ASIC2: variants seen among roughly 807,000 people sequenced by gnomAD.
ASIC2 encodes the protein acid-sensing ion channel 2.
Under a neutral mutation model 57.3 loss-of-function variants are expected in ASIC2, and 25 were observed. The observed-to-expected ratio is 0.44, with a 90% CI of 0.32 to 0.61. The LOEUF (loss-of-function observed/expected upper bound fraction) is 0.61, where lower values mean the gene tolerates loss of function less well. Ranked by LOEUF, ASIC2 falls within the 20% of genes least tolerant of loss-of-function variation. The pLI is 0.06. For missense variants in ASIC2, 641 were observed against 738.1 expected, an observed-to-expected ratio of 0.87 and a Z score of 1.52; for synonymous variants, 319 against 307.5, an observed-to-expected ratio of 1.04 and a Z score of -0.39.
At chr17:33,335,768 A>G (rs1207319826) in intron 1 of ASIC2, among the ~76,000 whole-genome samples, 1 of 152,196 alleles carries the variant, frequency 6.6e-6, no homozygotes, top group Non-Finnish European at 1.5e-5. Flanking sequence ...GGTCAGAATC[A>G]TTGCTCATAC....
intron 1 of ASIC2, among the ~76,000 whole-genome samples, chr17:34,021,804 CT>C (rs373098984): frequency 2.1e-5 from 3 of 140,232 alleles, no homozygotes; most frequent in South Asian, 2.4e-4. Flanking sequence ...GAGCCAGGGG[CT>C]TTTTTTTGTT....
At chr17:33,368,724 G>A (rs985644515) in intron 1 of ASIC2, among the ~76,000 whole-genome samples, 2 of 152,034 alleles carry the variant, frequency 1.3e-5, no homozygotes, top group African/African-American at 4.8e-5. Context: ...CCTTTATTTG[G>A]ACTTTGCTTC....
At chr17:34,026,479 A>C (rs1177214879) in intron 1 of ASIC2, among the ~76,000 whole-genome samples, 1 of 152,174 alleles carries the variant, frequency 6.6e-6, no homozygotes, top group Non-Finnish European at 1.5e-5. Context: ...ACTGCACCAT[A>C]ACCTGGGGAG....
Position 33,292,312 on chromosome 17 carries a change from C to T in ASIC2, c.-197G>A, listed in dbSNP as rs1056045676. The T allele has an allele frequency of 3.8e-5, 37 of 986,638 alleles. No homozygotes were observed. The highest frequency in any genetic ancestry group is 5.2e-4 in the Middle Eastern group (1 of 1,940). The allele number at this position is 986,638 out of a possible 1,614,324, so 61.1% of individuals were successfully genotyped here. A position where few individuals can be genotyped will look rare whatever the true frequency, so the allele number is the denominator to read the frequency against. Reference sequence around the variant, plus strand: ...CGCTGCCGCCTCCGCGGGCGCCCGCCCGGGGCTGAGCGCCGCCTCAGCCCG... The same window carrying T: ...CGCTGCCGCCTCCGCGGGCGCCCGCTCGGGGCTGAGCGCCGCCTCAGCCCG... On this transcript the variant is annotated 5_prime_UTR_variant, in exon 1 of 10. Transcript: ENST00000225823.
intron 1 of ASIC2, among the ~76,000 whole-genome samples, chr17:33,593,462 G>T (rs1904888473): frequency 6.6e-6 from 1 of 152,180 alleles, no homozygotes. Flanking sequence ...TCTCTTTCAG[G>T]ATCTATTTAA....
At chr17:33,094,096 C>G (rs1598271891) in intron 2 of ASIC2, among the ~76,000 whole-genome samples, 2 of 152,290 alleles carry the variant, frequency 1.3e-5, no homozygotes, top group East Asian at 3.9e-4. Context: ...GTTTGCACCC[C>G]CTTCCCAGTG....
rs1313713259 is a variant in ASIC2 at position 33,112,043 on chromosome 17, A to G, written c.733T>C (p.Tyr245His). ...CCATCCTCGCCTGAGTTAAACATGT[A>G]ACACTTCCCATATTTTGTAAACACC... ...SSVFTKYGKC[Y>H]MFNSGEDGKP... Residue 245 changes from tyrosine to histidine, a missense_variant, in exon 2 of 10, where the codon TAC becomes CAC. Physicochemically the swap from Tyr to His is moderately conservative, Grantham distance 83. Coordinates refer to ENST00000225823, the MANE Select transcript of ASIC2 (RefSeq NM_183377.2). 1 of 1,613,798 alleles carries G rather than the reference A, an allele frequency of 6.2e-7. No homozygotes were observed. The highest frequency in any genetic ancestry group is 1.7e-5 in the Admixed American group (1 of 59,992).
intron 1 of ASIC2, among the ~76,000 whole-genome samples, chr17:33,781,038 A>T (rs2142128481): frequency 6.6e-6 from 1 of 152,294 alleles, no homozygotes; most frequent in African/African-American, 2.4e-5. Flanking sequence ...CAGAGGCATG[A>T]TGATGAATCG....
chr17:33,610,951 A>T (rs1905387548), intron 1 of ASIC2, among the ~76,000 whole-genome samples: 1 of 152,186 alleles, frequency 6.6e-6, no homozygotes, highest in South Asian at 2.1e-4. Flanking sequence ...TGCCTAAAAA[A>T]TTAGCACAGA....
chr17:33,746,384 A>G (rs916058892), intron 1 of ASIC2, among the ~76,000 whole-genome samples: 8 of 148,930 alleles, frequency 5.4e-5, no homozygotes. Flanking sequence ...ATGTATATCT[A>G]CATATATAGG....
At chr17:34,006,310 A>G (rs1439702308) in intron 1 of ASIC2, 1 of 152,356 alleles carries the variant, frequency 6.6e-6, no homozygotes, top group African/African-American at 2.4e-5. Flanking sequence ...AGAGTCTGGC[A>G]TGCATGAACG....
At chr17:33,162,788 G>A (rs140798638) in intron 1 of ASIC2, among the ~76,000 whole-genome samples, 1 of 152,302 alleles carries the variant, frequency 6.6e-6, no homozygotes, top group East Asian at 1.9e-4. Flanking sequence ...GTAGGGGGCC[G>A]TGGCTCCTGT....
intron 1 of ASIC2, among the ~76,000 whole-genome samples, chr17:33,510,832 A>G (rs934300742): frequency 6.6e-6 from 1 of 152,054 alleles, no homozygotes; most frequent in African/African-American, 2.4e-5. Context: ...CAACCCCTGC[A>G]CGAGGCCTTG....
At chr17:33,618,197 G>T (rs186803852) in intron 1 of ASIC2, among the ~76,000 whole-genome samples, 169 of 144,426 alleles carry the variant, frequency 1.2e-3, no homozygotes, top group African/African-American at 4.4e-3. Flanking sequence ...TAGTTATTCA[G>T]TTCTCCTTGG....
At chr17:33,118,845 TC>T (rs892341390) in intron 1 of ASIC2, among the ~76,000 whole-genome samples, 3 of 152,076 alleles carry the variant, frequency 2.0e-5, no homozygotes, top group African/African-American at 7.2e-5. Context: ...AGGATCCTTT[TC>T]CTGGAGCATT....
At chr17:33,490,616 G>C (rs1308106999) in intron 1 of ASIC2, among the ~76,000 whole-genome samples, 1 of 152,164 alleles carries the variant, frequency 6.6e-6, no homozygotes, top group African/African-American at 2.4e-5. Flanking sequence ...TCTCTTGCCT[G>C]GCGCCATCTA....
chr17:33,499,641 C>G (rs944073800), intron 1 of ASIC2, among the ~76,000 whole-genome samples: 1 of 152,190 alleles, frequency 6.6e-6, no homozygotes, highest in Non-Finnish European at 1.5e-5. Flanking sequence ...TACTTTGTTA[C>G]GGAGACCCTG....
At chr17:34,115,827 A>AT (rs1339783721) in intron 1 of ASIC2, among the ~76,000 whole-genome samples, 1 of 152,210 alleles carries the variant, frequency 6.6e-6, no homozygotes, top group South Asian at 2.1e-4. Flanking sequence ...ATTCAGGTAT[A>AT]TCTGCTTTTA....
intron 1 of ASIC2, among the ~76,000 whole-genome samples, chr17:33,716,610 G>C (rs1303089735): frequency 6.6e-6 from 1 of 152,204 alleles, no homozygotes; most frequent in East Asian, 1.9e-4. Flanking sequence ...ATCTCCTAAA[G>C]AGGCCTCCCA....
Sources: allele counts gnomAD v4.1 joint callset (sites outside exome capture counted in the v4.1 genomes callset), GRCh38; gene constraint gnomAD v4.1.1; transcripts MANE v1.5; gene names NCBI Gene and HGNC (gene_info 2026-07-23, HGNC 2026-07-21).